Variants in PLBD2 observed in about 807,000 individuals in gnomAD.
PLBD2 encodes putative aminopeptidase PLBD2.
Under a neutral mutation model 68.3 loss-of-function variants are expected in PLBD2, and 51 were observed. The observed-to-expected ratio is 0.75, with a 90% CI of 0.60 to 0.94. The LOEUF is 0.94. PLBD2 is among the 40% of genes least tolerant of loss of function. PLBD2 has a pLI of 0.00. For synonymous variants in PLBD2, 314 were observed against 339.3 expected, an observed-to-expected ratio of 0.93 and a Z score of 0.82; for missense variants, 729 against 792.2, an observed-to-expected ratio of 0.92 and a Z score of 0.96.
In PLBD2 at chr12:113,369,175, C is replaced by T; in HGVS notation, c.350C>T (p.Ala117Val). The stretch of plus-strand genomic sequence containing the variant: ...TACAATGACAGCTTGCAGGCCTATG[C>T]AGCCGGTGTGGTGGAGGCTGCTGTG... ...GQYNDSLQAY[A>V]AGVVEAAVSE... Residue 117 changes from alanine (A) to valine (V), a missense_variant, in exon 2 of 12, where the codon GCA (alanine) becomes GTA (valine). Coordinates refer to ENST00000280800, the MANE Select transcript of PLBD2 (RefSeq NM_173542.4). 1 of 1,607,412 alleles carries T rather than the reference C, an allele frequency of 6.2e-7. No homozygotes were observed. Among genetic ancestry groups the T allele is most frequent in the African/African-American group, 1.3e-5 (1 of 75,008 alleles).
chr12:113,384,010 A>T lies in PLBD2; in HGVS notation c.958-95A>T. ...AGACTCTATCTCAAAAAAAAAAAAA[A>T]AAAAAAAAAATTTTTGGAGCCATGA... On this transcript the variant is annotated intron_variant, in intron 6 of 11. Transcript: ENST00000280800. This position sits in a 1 kb window ranked among gnomAD's most constrained non-coding sequence, Gnocchi z 4.2. 1 of 1,159,806 alleles carries T rather than the reference A, an allele frequency of 8.6e-7. No homozygotes were observed. The highest frequency in any genetic ancestry group is 1.1e-6 in the Non-Finnish European group (1 of 872,004). The allele number at this position is 1,159,806 out of a possible 1,614,324, so 71.8% of individuals were successfully genotyped here.
At chr12:113,381,806 T>C (rs1957493254) in intron 6 of PLBD2, among the ~76,000 whole-genome samples, 1 of 151,610 alleles carries the variant, frequency 6.6e-6, no homozygotes, top group African/African-American at 2.4e-5. Context: ...AGAATAGTGT[T>C]TTAACTTTTA....
intron 2 of PLBD2, among the ~76,000 whole-genome samples, chr12:113,371,343 A>G (rs1181754145): frequency 2.0e-5 from 3 of 152,272 alleles, no homozygotes; most frequent in Non-Finnish European, 4.4e-5. Flanking sequence ...GGAGGTGCAC[A>G]GTGCAGCATG....
At position 113,358,676 on chromosome 12, in the gene PLBD2, G is replaced by A. The variant is rs1317344592; in HGVS notation, c.76G>A (p.Val26Met). 3 of 1,448,426 alleles carry A rather than the reference G, an allele frequency of 2.1e-6. No homozygotes were observed. The highest frequency in any genetic ancestry group is 2.7e-6 in the Non-Finnish European group (3 of 1,108,748). 89.7% of individuals were successfully genotyped at this position (1,448,426 alleles called of 1,614,324 possible). The change falls in exon 1 of 12, where the codon GTG becomes ATG. Residue 26 changes from valine to methionine, a missense_variant. Val to Met is a conservative substitution (Grantham distance 21). Transcript: ENST00000280800. Reference protein sequence around the residue: ...ALTRALALALVLALLVGPFLS... With the variant: ...ALTRALALALMLALLVGPFLS... The stretch of plus-strand genomic sequence containing the variant: ...GACGCGGGCGCTGGCGCTGGCCCTG[G>A]TGCTGGCCCTGCTGGTCGGGCCGTT...
In PLBD2 at chr12:113,389,335, A is replaced by G. The variant is rs534059221; in HGVS notation, c.*709A>G. The G allele has an allele frequency of 1.6e-5, 2 of 123,212 alleles. No individual in the cohort carries two copies. The highest frequency in any genetic ancestry group is 6.0e-5 in the African/African-American group (2 of 33,390). The allele number at this position is 123,212 out of a possible 1,614,324, so 7.6% of individuals were successfully genotyped here. ...TGCCCCTCACCTCAGGGCCATACCCACAGCGCCCTGATGGAGGAACCAGAC... is the reference window on the plus strand; with the variant it reads ...TGCCCCTCACCTCAGGGCCATACCCGCAGCGCCCTGATGGAGGAACCAGAC... On this transcript the variant is annotated 3_prime_UTR_variant, in exon 12 of 12. Coordinates refer to ENST00000280800, the MANE Select transcript of PLBD2 (RefSeq NM_173542.4).
In PLBD2 at chr12:113,390,323, A is replaced by G. The variant is rs1957597841; in HGVS notation, c.*1697A>G. 6.6e-6 allele frequency: 1 copy of G among 150,874 alleles called. No individual in the cohort carries two copies. The allele number at this position is 150,874 out of a possible 1,614,324, so 9.3% of individuals were successfully genotyped here. A position where few individuals can be genotyped will look rare whatever the true frequency, so the allele number is the denominator to read the frequency against. Reference sequence around the variant, plus strand: ...CCATCCACCTACCTATTTGTCACCCATCCACCCATCCATCCATCCAATCAC... The same window carrying G: ...CCATCCACCTACCTATTTGTCACCCGTCCACCCATCCATCCATCCAATCAC... On this transcript the variant is annotated 3_prime_UTR_variant, in exon 12 of 12. Transcript: ENST00000280800.
At chr12:113,382,302 G>A (rs1231334258) in intron 6 of PLBD2, among the ~76,000 whole-genome samples, 1 of 152,162 alleles carries the variant, frequency 6.6e-6, no homozygotes, top group Non-Finnish European at 1.5e-5. Flanking sequence ...GAAGAAGCAA[G>A]GTGCATGAAT....
In PLBD2 at chr12:113,384,610, C is replaced by T. The variant is rs977648820; in HGVS notation, c.1119-241C>T. 1.3e-5 allele frequency among the ~76,000 whole-genome samples: 2 copies of T among 152,128 alleles called. No homozygotes were observed. The highest frequency in any genetic ancestry group is 4.8e-5 in the African/African-American group (2 of 41,440). On this transcript the variant is annotated intron_variant, in intron 7 of 11. Transcript: ENST00000280800. The surrounding 1 kb of genome is among the most constrained non-coding windows in gnomAD (Gnocchi z 4.2). ...CTGGAACTGGGCAGTGCAGATCTTACAGCATCCGGCAGAGGAGCTGACCTA... is the reference window on the plus strand; with the variant it reads ...CTGGAACTGGGCAGTGCAGATCTTATAGCATCCGGCAGAGGAGCTGACCTA...
chr12:113,358,635 A>T lies in PLBD2; in HGVS notation c.35A>T (p.His12Leu). 6.8e-7 allele frequency: 1 copy of T among 1,466,202 alleles called. No homozygotes were observed. The highest frequency in any genetic ancestry group is 9.0e-7 in the Non-Finnish European group (1 of 1,116,268). 90.8% of individuals were successfully genotyped at this position (1,466,202 alleles called of 1,614,324 possible). ...VGQMYCYPGS[H>L]LARALTRALA... Reference sequence around the variant, plus strand: ...CAGATGTACTGCTACCCCGGCAGCCACCTGGCCCGGGCGCTGACGCGGGCG... The same window carrying T: ...CAGATGTACTGCTACCCCGGCAGCCTCCTGGCCCGGGCGCTGACGCGGGCG... The change falls in exon 1 of 12, where the codon CAC becomes CTC. Residue 12 changes from histidine to leucine, a missense_variant. His to Leu is a moderately conservative substitution (Grantham distance 99). Coordinates refer to ENST00000280800, the MANE Select transcript of PLBD2 (RefSeq NM_173542.4).
Position 113,363,578 on chromosome 12 carries a change from G to T in PLBD2, c.290+4688G>T, listed in dbSNP as rs376479585. Among the ~76,000 whole-genome samples, 42 of 118,058 alleles carry T rather than the reference G, an allele frequency of 3.6e-4. 1 individual carries two copies. The highest frequency in any genetic ancestry group is 1.3e-3 in the African/African-American group (39 of 30,602). 77.5% of individuals were successfully genotyped at this position (118,058 alleles called of 152,430 possible). ...TTTTGAGGTGGAGTCTCGCCCTGTT[G>T]CCCAGGCTGGAGTCAGTGGCGCGAT... On this transcript the variant is annotated intron_variant, in intron 1 of 11. Transcript: ENST00000280800.
chr12:113,363,893 T>C (rs1957318715), intron 1 of PLBD2, among the ~76,000 whole-genome samples: 1 of 152,244 alleles, frequency 6.6e-6, no homozygotes, highest in Non-Finnish European at 1.5e-5. Flanking sequence ...CCTTCTTGCA[T>C]ACATATAAAT....
In PLBD2 at chr12:113,372,089, A is replaced by G. The variant is rs2077007398; in HGVS notation, c.385-560A>G. Among the ~76,000 whole-genome samples, 1 of 152,082 alleles carries G rather than the reference A, an allele frequency of 6.6e-6. No individual in the cohort carries two copies. The highest frequency in any genetic ancestry group is 2.1e-4 in the South Asian group (1 of 4,834). ...GTGAGATGGTGATGGAGCAGCAGTC[A>G]TGAAGCCATCAATCCTGAGGCAGTG... On this transcript the variant is annotated intron_variant, in intron 2 of 11. Transcript: ENST00000280800. This position sits in a 1 kb window ranked among gnomAD's most constrained non-coding sequence, Gnocchi z 4.2.
chr12:113,385,380 A>G (rs1957541695), intron 9 of PLBD2, 97 bp downstream of exon 9: 1 of 1,187,250 alleles, frequency 8.4e-7, no homozygotes, highest in Non-Finnish European at 1.2e-6. Flanking sequence ...AACCCACAGA[A>G]CAAAGAATCC....
At position 113,358,897 on chromosome 12, in the gene PLBD2, G is replaced by A. The variant is rs376110912; in HGVS notation, c.290+7G>A. 2 of 1,515,184 alleles carry A rather than the reference G, an allele frequency of 1.3e-6. No homozygotes were observed. The highest frequency in any genetic ancestry group is 2.5e-5 in the South Asian group (2 of 81,056). 93.9% of individuals were successfully genotyped at this position (1,515,184 alleles called of 1,614,324 possible). On this transcript the variant is annotated splice_region_variant and intron_variant, in intron 1 of 11. Coordinates refer to ENST00000280800, the MANE Select transcript of PLBD2 (RefSeq NM_173542.4). The stretch of plus-strand genomic sequence containing the variant: ...ACGCCATCCGCGAGACTGGGTAAGG[G>A]TTGGCTTATCCCCACGCGGGGCCAT...
chr12:113,371,089 C>T (rs1196558675), intron 2 of PLBD2, among the ~76,000 whole-genome samples: 4 of 152,168 alleles, frequency 2.6e-5, no homozygotes, highest in Non-Finnish European at 5.9e-5. Flanking sequence ...ACACAAAAAA[C>T]AAAACAAGAA....
chr12:113,386,412 G>C (rs1262970546), intron 9 of PLBD2, among the ~76,000 whole-genome samples: 3 of 141,002 alleles, frequency 2.1e-5, no homozygotes, highest in Non-Finnish European at 4.5e-5. Context: ...GGAGTGCAAT[G>C]GTGCGATCTC....
intron 1 of PLBD2, 110 bp downstream of exon 1, chr12:113,359,000 C>T (rs1249986665): frequency 1.6e-6 from 2 of 1,212,684 alleles, no homozygotes; most frequent in Non-Finnish European, 2.2e-6. Context: ...ACGCCCGTTT[C>T]TCTGGGGGTC....
At chr12:113,359,806 G>C (rs1206381186) in intron 1 of PLBD2, among the ~76,000 whole-genome samples, 1 of 151,730 alleles carries the variant, frequency 6.6e-6, no homozygotes, top group Non-Finnish European at 1.5e-5. Context: ...CGATAGAAGA[G>C]AAATCAGAGT....
Position 113,384,280 on chromosome 12 carries a change from G to T in PLBD2, c.1118+15G>T. The stretch of plus-strand genomic sequence containing the variant: ...AACAGCGGCACGTGAGTGGGCTTCT[G>T]GCCCTGTGGCTTCCCCTGCACCAAG... On this transcript the variant is annotated intron_variant, in intron 7 of 11. Coordinates refer to ENST00000280800, the MANE Select transcript of PLBD2 (RefSeq NM_173542.4). This position sits in a 1 kb window ranked among gnomAD's most constrained non-coding sequence, Gnocchi z 4.2. 6.2e-7 allele frequency: 1 copy of T among 1,600,156 alleles called. No individual in the cohort carries two copies. The highest frequency in any genetic ancestry group is 8.5e-7 in the Non-Finnish European group (1 of 1,171,946).
Sources: gnomAD v4.1 joint callset for allele counts (sites outside exome capture counted in the v4.1 genomes callset) on GRCh38, gnomAD v4.1.1 for gene constraint, Gnocchi (gnomAD v3.1) non-coding constraint, MANE v1.5 for transcripts, NCBI Gene and HGNC (gene_info 2026-07-23, HGNC 2026-07-21) for gene names.